PTPRB: variants seen among roughly 807,000 people sequenced by gnomAD.
The protein encoded by PTPRB is protein tyrosine phosphatase receptor type B, also known as receptor-type tyrosine-protein phosphatase beta.
PTPRB carries 97 observed loss-of-function variants against 238.1 expected under a neutral mutation model. That is an observed-to-expected ratio of 0.41 (90% CI 0.35 to 0.48). The LOEUF (loss-of-function observed/expected upper bound fraction) is 0.48. PTPRB is among the 20% of genes least tolerant of loss of function. The pLI, the probability that PTPRB is intolerant of heterozygous loss-of-function variation, is 0.30. For missense variants in PTPRB, 2,292 were observed against 2,681.9 expected (o/e 0.85, Z 3.21); for synonymous variants, 970 against 995.4 (o/e 0.97, Z 0.48).
intron 4 of PTPRB, among the ~76,000 whole-genome samples, chr12:70,601,352 C>CA (rs60749785): frequency 0.049 from 7,385 of 152,196 alleles, 398 homozygotes; most frequent in East Asian, 0.21. Context: ...TCTCTTTGTA[C>CA]ATCTGCCCCA....
rs1242028184 is a variant in PTPRB at position 70,571,201 on chromosome 12, G to T, written c.3195C>A (p.Asp1065Glu). The T allele has an allele frequency of 7.4e-6, 12 of 1,613,772 alleles. No individual in the cohort carries two copies. Among genetic ancestry groups the T allele is most frequent in the Non-Finnish European group, 1.0e-5 (12 of 1,179,846 alleles). ...VTWSGANGDV[D>E]QYEIQLLFND... ...TGAAGAGCAGCTGGATCTCATATTGGTCGACATCCCCATTAGCTCCTGACC... is the reference window on the plus strand; with the variant it reads ...TGAAGAGCAGCTGGATCTCATATTGTTCGACATCCCCATTAGCTCCTGACC... Residue 1065 changes from aspartate to glutamate, a missense_variant, in exon 13 of 34, where the codon GAC becomes GAA. Asp to Glu is a conservative substitution (Grantham distance 45, BLOSUM62 2). Transcript: ENST00000334414.
chr12:70,593,815 C>A (rs1227576742), intron 6 of PTPRB, among the ~76,000 whole-genome samples: 1 of 152,148 alleles, frequency 6.6e-6, no homozygotes, highest in Non-Finnish European at 1.5e-5. Flanking sequence ...ATTTAATTCA[C>A]ACATTAGACT....
chr12:70,636,138 C>A, intron 1 of PTPRB, 72 bp from the exon 2 acceptor site: 3 of 1,374,120 alleles, frequency 2.2e-6, no homozygotes, highest in Middle Eastern at 2.6e-4. Context: ...AAGAACCCAC[C>A]CACAAATGAG....
At chr12:70,567,986 G>A (rs7300922) in intron 14 of PTPRB, among the ~76,000 whole-genome samples, 35,158 of 151,890 alleles carry the variant, frequency 0.23, 4,766 homozygotes, top group African/African-American at 0.38. Flanking sequence ...CACCGTGCCC[G>A]GCCTTTATTC....
At position 70,596,355 on chromosome 12, in the gene PTPRB, A is replaced by ACACACACAC. The variant is rs1555234327; in HGVS notation, c.980-29_980-28insGTGTGTGTG. On this transcript the variant is annotated intron_variant, in intron 4 of 33. Coordinates refer to ENST00000334414, the MANE Select transcript of PTPRB (RefSeq NM_001109754.4). ...GCAAGGCAAATACACACACACACAC[A>ACACACACAC]AAAAAAAAAAAGAAAGAAAAAGAAA... is the stretch of plus-strand genomic sequence containing the variant. The ACACACACAC allele has an allele frequency of 5.3e-4, 487 of 926,544 alleles. 3 individuals are homozygous for ACACACACAC. The African/African-American group carries it at 0.011, about 22-fold the overall frequency. The allele number at this position is 926,544 out of a possible 1,614,324, so 57.4% of individuals were successfully genotyped here.
At chr12:70,555,777 A>G in intron 19 of PTPRB, 93 bp downstream of exon 19, 1 of 1,443,770 alleles carries the variant, frequency 6.9e-7, no homozygotes, top group Middle Eastern at 2.5e-4. Flanking sequence ...AGTGTATGCA[A>G]GTGAATAGCA....
At chr12:70,521,546 C>T in intron 33 of PTPRB, 35 bp from the exon 34 acceptor site, 1 of 1,507,376 alleles carries the variant, frequency 6.6e-7, no homozygotes, top group Non-Finnish European at 8.9e-7. Flanking sequence ...GAGACTGCCG[C>T]AGGGTGTGTC....
At chr12:70,534,992 A>G in intron 29 of PTPRB, 37 bp from the exon 30 acceptor site, 1 of 1,587,650 alleles carries the variant, frequency 6.3e-7, no homozygotes, top group Non-Finnish European at 8.6e-7. Flanking sequence ...TGAGTCCGGA[A>G]AAGTGACTCC....
At position 70,521,330 on chromosome 12, in the gene PTPRB, T is replaced by C. The variant is rs942045601; in HGVS notation, c.*159A>G. 2 of 485,508 alleles carry C rather than the reference T, an allele frequency of 4.1e-6. No individual in the cohort carries two copies. The highest frequency in any genetic ancestry group is 3.9e-5 in the African/African-American group (2 of 50,752). The allele number at this position is 485,508 out of a possible 1,614,324, so 30.1% of individuals were successfully genotyped here. ...ATACAACTATGTACAATAATATCTGTTACCTTTAAATTATATAAAATTTTA... is the reference window on the plus strand; with the variant it reads ...ATACAACTATGTACAATAATATCTGCTACCTTTAAATTATATAAAATTTTA... On this transcript the variant is annotated 3_prime_UTR_variant, in exon 34 of 34. Transcript: ENST00000334414.
intron 4 of PTPRB, chr12:70,608,751 G>T: frequency 3.5e-6 from 1 of 286,768 alleles, no homozygotes; most frequent in Non-Finnish European, 6.5e-6. Flanking sequence ...ACAATTTAAT[G>T]CAATGGAAGC....
At chr12:70,599,049 G>A (rs2136495413) in intron 4 of PTPRB, among the ~76,000 whole-genome samples, 1 of 152,262 alleles carries the variant, frequency 6.6e-6, no homozygotes, top group South Asian at 2.1e-4. Context: ...GCCCTTTGCT[G>A]GCAGTTGTCC....
rs543571051 is a variant in PTPRB at position 70,592,182 on chromosome 12, T to C, written c.1780+100A>G. The C allele has an allele frequency of 1.3e-4, 197 of 1,519,168 alleles. 1 individual carries two copies. The African/African-American group carries it at 2.4e-3, about 18-fold the overall frequency. 94.1% of individuals were successfully genotyped at this position (1,519,168 alleles called of 1,614,324 possible). On this transcript the variant is annotated intron_variant, in intron 7 of 33. Coordinates refer to ENST00000334414, the MANE Select transcript of PTPRB (RefSeq NM_001109754.4). Reference sequence around the variant, plus strand: ...AGTTACATAGGCTCCACTTCTCAGATTGGGAAAGGAGTTTTCCTGCTGACT... The same window carrying C: ...AGTTACATAGGCTCCACTTCTCAGACTGGGAAAGGAGTTTTCCTGCTGACT...
chr12:70,534,434 C>A, intron 31 of PTPRB, 54 bp downstream of exon 31: 1 of 1,575,758 alleles, frequency 6.3e-7, no homozygotes, highest in Non-Finnish European at 8.6e-7. Context: ...TCCAGACTCC[C>A]AGGCACAACC....
intron 3 of PTPRB, among the ~76,000 whole-genome samples, chr12:70,613,855 T>C (rs1884566646): frequency 6.6e-6 from 1 of 152,106 alleles, no homozygotes; most frequent in African/African-American, 2.4e-5. Context: ...GTCCTGTTGG[T>C]CCTGCTGGAC....
intron 32 of PTPRB, chr12:70,527,589 CA>C (rs1872609662): frequency 6.6e-6 from 1 of 152,194 alleles, no homozygotes; most frequent in Non-Finnish European, 1.5e-5. Flanking sequence ...ATGTGTCTCT[CA>C]GGGTCAGGCT....
intron 21 of PTPRB, among the ~76,000 whole-genome samples, chr12:70,550,625 T>G (rs1407361703): frequency 6.6e-6 from 1 of 152,202 alleles, no homozygotes; most frequent in Non-Finnish European, 1.5e-5. Context: ...GAGCTGGAAC[T>G]CAAATGCAGG....
At position 70,520,099 on chromosome 12, in the gene PTPRB, T is replaced by C. The variant is rs940364085; in HGVS notation, c.*1390A>G. The C allele has an allele frequency of 2.5e-6, 1 of 394,634 alleles. No individual in the cohort carries two copies. Among genetic ancestry groups the C allele is most frequent in the African/African-American group, 2.1e-5 (1 of 47,388 alleles). 24.4% of individuals were successfully genotyped at this position (394,634 alleles called of 1,614,324 possible). ...ACTTGACCTCTAATTCCCAAGTTTA[T>C]TACAGAAAAATTTGTAGTGTGAAAA... On this transcript the variant is annotated 3_prime_UTR_variant, in exon 34 of 34. Transcript: ENST00000334414.
Position 70,534,564 on chromosome 12 carries a change from G to T in PTPRB, c.6292C>A (p.Leu2098Met). The T allele has an allele frequency of 6.2e-7, 1 of 1,613,270 alleles. No individual in the cohort carries two copies. Among genetic ancestry groups the T allele is most frequent in the Non-Finnish European group, 8.5e-7 (1 of 1,179,614 alleles). Residue 2098 changes from leucine to methionine, a missense_variant, in exon 31 of 34, where the codon CTG becomes ATG. By Grantham distance (15) the Leu-to-Met change is conservative. Around this residue, in one of 4 missense-constraint regions of PTPRB, gnomAD observed 397 missense variants for 502.0 expected, o/e 0.79. Coordinates refer to ENST00000334414, the MANE Select transcript of PTPRB (RefSeq NM_001109754.4). Reference protein sequence around the residue: ...DHGVPETTQSLIQFVRTVRDY... With the variant: ...DHGVPETTQSMIQFVRTVRDY... Reference sequence around the variant, plus strand: ...CTGACAGTTCTCACAAACTGGATCAGAGACTGGGTGGTTTCTGGGACTCCA... The same window carrying T: ...CTGACAGTTCTCACAAACTGGATCATAGACTGGGTGGTTTCTGGGACTCCA...
chr12:70,555,425 A>G (rs1877510759), intron 19 of PTPRB, 116 bp from the exon 20 acceptor site: 1 of 972,154 alleles, frequency 1.0e-6, no homozygotes, highest in Non-Finnish European at 1.5e-6. Flanking sequence ...TGTGTGTGTG[A>G]GCGTGTGCCT....
Sources: allele counts gnomAD v4.1 joint callset (sites outside exome capture counted in the v4.1 genomes callset), GRCh38; gene constraint gnomAD v4.1.1; regional missense constraint gnomAD v4.1.1; transcripts MANE v1.5; gene names NCBI Gene and HGNC (gene_info 2026-07-23, HGNC 2026-07-21).